FARP1: variants seen among roughly 807,000 people sequenced by gnomAD.
The protein encoded by FARP1 is FERM, ARH/RhoGEF and pleckstrin domain protein 1.
Under a neutral mutation model 128.8 loss-of-function variants are expected in FARP1, and 52 were observed. The observed-to-expected ratio is 0.40, with a 90% CI of 0.32 to 0.51. The LOEUF (loss-of-function observed/expected upper bound fraction) is 0.51. Among genes scored for constraint, FARP1 ranks in the 20% least tolerant of loss-of-function variants. FARP1 has a pLI of 0.45. For synonymous variants in FARP1, 580 were observed against 551.8 expected, an observed-to-expected ratio of 1.05 and a Z score of -0.72; for missense variants, 1,333 against 1,367.9, an observed-to-expected ratio of 0.97 and a Z score of 0.40.
chr13:98,440,286 G>A (rs1892470427), intron 23 of FARP1, 51 bp downstream of exon 23: 1 of 1,374,360 alleles, frequency 7.3e-7, no homozygotes, highest in Non-Finnish European at 1.0e-6. Context: ...TTCATGGAGG[G>A]ACAGCATTTC....
rs148145329 is a variant in FARP1, at chr13:98,412,013, T to C, written c.1805T>C (p.Ile602Thr). The change falls in exon 16 of 27, where the codon ATT (isoleucine) becomes ACT (threonine). Residue 602 changes from isoleucine (I) to threonine (T), a missense_variant. Transcript: ENST00000319562. ...TTTCATACTAATTTTCTCAAGGAAA[T>C]TGAGCAACGACTTGCCCTGTGGTGA... ...HKFHTNFLKEIEQRLALWEGR... is the reference protein window; with the variant it reads ...HKFHTNFLKETEQRLALWEGR... 11 of 1,614,064 alleles carry C rather than the reference T, an allele frequency of 6.8e-6. No individual in the cohort carries two copies. The African/African-American group carries it at 1.2e-4, about 18-fold the overall frequency.
intron 16 of FARP1, 70 bp from the exon 17 acceptor site, chr13:98,424,502 T>TA (rs1891705601): frequency 1.0e-6 from 1 of 968,956 alleles, no homozygotes. Flanking sequence ...GGTAGGCTGA[T>TA]ATTTGTAACC....
intron 2 of FARP1, among the ~76,000 whole-genome samples, chr13:98,302,411 C>T (rs531259574): frequency 5.3e-5 from 8 of 152,294 alleles, no homozygotes; most frequent in African/African-American, 1.9e-4. Flanking sequence ...CTGCCCACAC[C>T]AGTGGCCAAA....
intron 2 of FARP1, among the ~76,000 whole-genome samples, chr13:98,314,790 C>G (rs112648643): frequency 3.3e-5 from 5 of 152,308 alleles, no homozygotes; most frequent in South Asian, 4.1e-4. Flanking sequence ...TCCTGCGGGA[C>G]GCATTTCCCA....
intron 1 of FARP1, among the ~76,000 whole-genome samples, chr13:98,206,929 A>G (rs899502725): frequency 2.0e-5 from 3 of 152,242 alleles, no homozygotes; most frequent in African/African-American, 4.8e-5. Flanking sequence ...GTTAATGGAG[A>G]TAAATTCAGA....
chr13:98,293,039 G>A (rs993135522), intron 2 of FARP1, among the ~76,000 whole-genome samples: 7 of 152,060 alleles, frequency 4.6e-5, no homozygotes, highest in African/African-American at 1.7e-4. Flanking sequence ...AGCAGAGGTG[G>A]AGTGAATTTT....
At chr13:98,298,045 G>A (rs758512384) in intron 2 of FARP1, among the ~76,000 whole-genome samples, 5 of 152,160 alleles carry the variant, frequency 3.3e-5, no homozygotes, top group Non-Finnish European at 7.4e-5. Flanking sequence ...GCAGAATGCC[G>A]AGAAACAGGG....
At position 98,278,172 on chromosome 13, in the gene FARP1, A is replaced by T. The variant is rs914261321; in HGVS notation, c.171+64759A>T. Reference sequence around the variant, plus strand: ...TCCAGGGTGTGTGTATGAGTGAGTGAGTGTGTGTGTGTGTGTGTATGTTCT... The same window carrying T: ...TCCAGGGTGTGTGTATGAGTGAGTGTGTGTGTGTGTGTGTGTGTATGTTCT... On this transcript the variant is annotated intron_variant, in intron 2 of 26. Coordinates refer to ENST00000319562, the MANE Select transcript of FARP1 (RefSeq NM_005766.4). Among the ~76,000 whole-genome samples the T allele has an allele frequency of 9.6e-3, 1,437 of 149,950 alleles. 17 individuals are homozygous for T. The highest frequency in any genetic ancestry group is 0.03 in the African/African-American group (1,227 of 40,900).
intron 1 of FARP1, chr13:98,177,098 T>A: frequency 6.2e-7 from 1 of 1,600,296 alleles, no homozygotes; most frequent in Non-Finnish European, 8.5e-7. Context: ...CCGCTGCTGC[T>A]GCTCTCTCCG....
intron 1 of FARP1, among the ~76,000 whole-genome samples, chr13:98,183,903 C>T (rs1003759304): frequency 1.1e-4 from 16 of 152,144 alleles, no homozygotes; most frequent in Non-Finnish European, 4.4e-5. Context: ...CGCCCTGGCT[C>T]TCTGAGGCTT....
chr13:98,425,898 G>A (rs971311594), intron 17 of FARP1, among the ~76,000 whole-genome samples: 1 of 151,954 alleles, frequency 6.6e-6, no homozygotes, highest in Non-Finnish European at 1.5e-5. Flanking sequence ...TTCACACAGC[G>A]TCTCTTTTGA....
At chr13:98,143,881 C>G (rs1291301569) in intron 1 of FARP1, among the ~76,000 whole-genome samples, 1 of 151,776 alleles carries the variant, frequency 6.6e-6, no homozygotes, top group Non-Finnish European at 1.5e-5. Context: ...GACCTCGGGC[C>G]GCAATCTCGG....
Position 98,422,511 on chromosome 13 carries a change from GCT to G in FARP1, c.1827-2056_1827-2055del, listed in dbSNP as rs1370342405. ...GAAGGAGCTTGGGGAGCCTGGGGGT[GCT>G]CTCTTTTCTTTGATTTTAGAGAAGC... On this transcript the variant is annotated intron_variant, in intron 16 of 26. Coordinates refer to ENST00000319562, the MANE Select transcript of FARP1 (RefSeq NM_005766.4). Among the ~76,000 whole-genome samples, 117 of 152,272 alleles carry G rather than the reference GCT, an allele frequency of 7.7e-4. 1 individual carries two copies. The highest frequency in any genetic ancestry group is 4.2e-4 in the South Asian group (2 of 4,816).
chr13:98,331,035 A>T (rs1422298876), intron 2 of FARP1, among the ~76,000 whole-genome samples: 1 of 152,216 alleles, frequency 6.6e-6, no homozygotes, highest in Non-Finnish European at 1.5e-5. Flanking sequence ...ATCGATCAGC[A>T]TCCCTTTCTA....
intron 2 of FARP1, among the ~76,000 whole-genome samples, chr13:98,236,314 A>G (rs1162295405): frequency 1.3e-5 from 2 of 152,224 alleles, no homozygotes; most frequent in Non-Finnish European, 2.9e-5. Flanking sequence ...TACGAAAAAG[A>G]ACTATGCTTC....
At chr13:98,366,480 CAT>C (rs1889090136) in intron 4 of FARP1, among the ~76,000 whole-genome samples, 1 of 152,196 alleles carries the variant, frequency 6.6e-6, no homozygotes, top group Non-Finnish European at 1.5e-5. Flanking sequence ...GCCCAGGTAG[CAT>C]AGAGTCTAGG....
At chr13:98,202,876 T>C (rs911730712) in intron 1 of FARP1, among the ~76,000 whole-genome samples, 10 of 152,078 alleles carry the variant, frequency 6.6e-5, no homozygotes, top group African/African-American at 2.4e-4. Flanking sequence ...CTTACCACCA[T>C]GCCTGGGTAG....
intron 2 of FARP1, among the ~76,000 whole-genome samples, chr13:98,314,621 AAAAG>A (rs1886644871): frequency 6.6e-6 from 1 of 152,186 alleles, no homozygotes; most frequent in African/African-American, 2.4e-5. Flanking sequence ...GACGGCTCAA[AAAAG>A]AAAGAGGTGG....
Position 98,452,925 on chromosome 13 carries a change from A to C in FARP1, c.*4608A>C, listed in dbSNP as rs553803371. The C allele has an allele frequency of 2.4e-5, 10 of 423,206 alleles. No individual in the cohort carries two copies. The highest frequency in any genetic ancestry group is 3.8e-5 in the Non-Finnish European group (9 of 239,998). The allele number at this position is 423,206 out of a possible 1,614,324, so 26.2% of individuals were successfully genotyped here. ...ATGTGCACTATGGTTAAAATTAAAA[A>C]CAAAAGTAATAAAATAAAATAAAAT... is the stretch of plus-strand genomic sequence containing the variant. On this transcript the variant is annotated 3_prime_UTR_variant, in exon 27 of 27. Transcript: ENST00000319562.
Sources: gnomAD v4.1 joint callset for allele counts (sites outside exome capture counted in the v4.1 genomes callset) on GRCh38, gnomAD v4.1.1 for gene constraint, MANE v1.5 for transcripts, NCBI Gene and HGNC (gene_info 2026-07-23, HGNC 2026-07-21) for gene names.